Variants in SLC35D4 observed in about 807,000 individuals in gnomAD.
SLC35D4 encodes the protein UDP-N-acetylglucosamine transporter SLC35D4.
the SLC35D4 span, among the ~76,000 whole-genome samples, chr18:23,416,252 A>T: frequency 6.6e-6 from 1 of 152,116 alleles, no homozygotes; most frequent in Non-Finnish European, 1.5e-5. Context: ...GGCCTCTTTG[A>T]GCTCCAGGTT....
chr18:23,380,428 A>G, the SLC35D4 span, among the ~76,000 whole-genome samples: 1 of 152,030 alleles, frequency 6.6e-6, no homozygotes, highest in Non-Finnish European at 1.5e-5. Flanking sequence ...ATCAAACTGG[A>G]AAGTCCCTTC....
chr18:23,250,674 T>TC, the SLC35D4 span, among the ~76,000 whole-genome samples: 1 of 152,180 alleles, frequency 6.6e-6, no homozygotes, highest in East Asian at 1.9e-4. Context: ...CCTTTCCTGG[T>TC]CCTTGCAGGG....
the SLC35D4 span, among the ~76,000 whole-genome samples, chr18:23,281,478 A>G: frequency 6.6e-6 from 1 of 151,972 alleles, no homozygotes; most frequent in African/African-American, 2.4e-5. Flanking sequence ...GTGCACAACC[A>G]CGCCCAACTA....
the SLC35D4 span, among the ~76,000 whole-genome samples, chr18:23,413,176 C>G: frequency 6.6e-6 from 1 of 152,194 alleles, no homozygotes; most frequent in Non-Finnish European, 1.5e-5. Context: ...GCCTCAAGCT[C>G]CATTTCTCAA....
the SLC35D4 span, among the ~76,000 whole-genome samples, chr18:23,265,708 T>C: frequency 6.6e-6 from 1 of 152,188 alleles, no homozygotes; most frequent in South Asian, 2.1e-4. Flanking sequence ...AGTTCTCTTA[T>C]GAGGGTCATC....
chr18:23,400,115 G>C, the SLC35D4 span, among the ~76,000 whole-genome samples: 2 of 152,220 alleles, frequency 1.3e-5, no homozygotes. Context: ...CAGAACTTCA[G>C]TTGGGTGGCC....
chr18:23,337,588 C>A, the SLC35D4 span, among the ~76,000 whole-genome samples: 4 of 152,060 alleles, frequency 2.6e-5, no homozygotes, highest in Non-Finnish European at 5.9e-5. Context: ...GAGAGTTTTA[C>A]CAATGGTCTT....
chr18:23,309,883 T>TC, the SLC35D4 span: 2 of 802,432 alleles, frequency 2.5e-6, no homozygotes, highest in Admixed American at 3.9e-5. Flanking sequence ...CGTGTCCTTT[T>TC]CCCCACACGC....
At chr18:23,380,427 G>T in the SLC35D4 span, among the ~76,000 whole-genome samples, 1 of 152,012 alleles carries the variant, frequency 6.6e-6, no homozygotes, top group Non-Finnish European at 1.5e-5. Flanking sequence ...TATCAAACTG[G>T]AAAGTCCCTT....
At chr18:23,257,003 ATG>A in the SLC35D4 span, among the ~76,000 whole-genome samples, 1 of 152,298 alleles carries the variant, frequency 6.6e-6, no homozygotes, top group East Asian at 1.9e-4. Context: ...CATAAGATGT[ATG>A]TGTGGTTCCG....
chr18:23,411,483 T>TAGAAAA, the SLC35D4 span, among the ~76,000 whole-genome samples: 1 of 91,730 alleles, frequency 1.1e-5, no homozygotes, highest in Non-Finnish European at 2.3e-5. Flanking sequence ...AAGAAAGAGA[T>TAGAAAA]AGAAAGAAAG....
chr18:23,251,706 C>CT, the SLC35D4 span, among the ~76,000 whole-genome samples: 1 of 152,204 alleles, frequency 6.6e-6, no homozygotes, highest in Non-Finnish European at 1.5e-5. Flanking sequence ...CAAAGACTTA[C>CT]TGGTTACCAT....
At chr18:23,246,081 C>T in the SLC35D4 span, among the ~76,000 whole-genome samples, 13 of 152,182 alleles carry the variant, frequency 8.5e-5, no homozygotes, top group East Asian at 3.9e-4. Flanking sequence ...TCCTGGCCAA[C>T]GGTGTAACCC....
At chr18:23,356,699 G>A in the SLC35D4 span, 1 of 1,605,560 alleles carries the variant, frequency 6.2e-7, no homozygotes, top group African/African-American at 1.3e-5. This position sits in a 1 kb window ranked among gnomAD's most constrained non-coding sequence, Gnocchi z 4.1. Context: ...AGTGACCCAT[G>A]AGGCCTCACA....
At chr18:23,421,674 CTTTTTTTTT>C in the SLC35D4 span, among the ~76,000 whole-genome samples, 1 of 136,420 alleles carries the variant, frequency 7.3e-6, no homozygotes, top group African/African-American at 2.7e-5. Flanking sequence ...TTCTTCTCCT[CTTTTTTTTT>C]TTTTTTTTTT....
the SLC35D4 span, among the ~76,000 whole-genome samples, chr18:23,289,269 C>T: frequency 6.6e-6 from 1 of 152,228 alleles, no homozygotes; most frequent in Non-Finnish European, 1.5e-5. Context: ...TCTTTGCTGG[C>T]AGGACTATGC....
the SLC35D4 span, among the ~76,000 whole-genome samples, chr18:23,283,929 G>T: frequency 6.6e-6 from 1 of 152,194 alleles, no homozygotes. Flanking sequence ...ACAAAAGGTG[G>T]ATTATTCATG....
the SLC35D4 span, among the ~76,000 whole-genome samples, chr18:23,286,954 A>G: frequency 3.3e-5 from 5 of 151,644 alleles, no homozygotes; most frequent in Admixed American, 2.0e-4. Context: ...CCACAAGTAT[A>G]AGATACCTCT....
the SLC35D4 span, among the ~76,000 whole-genome samples, chr18:23,309,987 T>C: frequency 1.3e-5 from 2 of 152,276 alleles, no homozygotes; most frequent in East Asian, 3.9e-4. Context: ...GGTGAGAATG[T>C]TCAAAGAAGC....
Sources: allele counts gnomAD v4.1 joint callset (sites outside exome capture counted in the v4.1 genomes callset), GRCh38; gene constraint gnomAD v4.1.1; non-coding constraint Gnocchi (gnomAD v3.1); transcripts MANE v1.5; gene names NCBI Gene and HGNC (gene_info 2026-07-23, HGNC 2026-07-21).